The following AP3B1 variants were observed in gnomAD, a reference collection of about 807,000 sequenced individuals.
AP3B1 encodes AP-3 complex subunit beta-1.
AP3B1 carries 61 observed loss-of-function variants against 132.5 expected under a neutral mutation model. The observed-to-expected ratio is 0.46, with a 90% CI of 0.37 to 0.57. The LOEUF is 0.57. Ranked by LOEUF, AP3B1 falls within the 20% of genes least tolerant of loss-of-function variation. The pLI is 0.00. For synonymous variants in AP3B1, 388 were observed against 438.3 expected (o/e 0.89, Z 1.43); for missense variants, 1,120 against 1,289.4 (o/e 0.87, Z 2.01).
chr5:78,097,501 A>G (rs1580343234), intron 21 of AP3B1, among the ~76,000 whole-genome samples: 1 of 88,898 alleles, frequency 1.1e-5, no homozygotes, highest in Non-Finnish European at 2.2e-5. Flanking sequence ...CCCGTCCGGG[A>G]GGGAGGTGGG....
intron 22 of AP3B1, among the ~76,000 whole-genome samples, chr5:78,065,700 G>A (rs1749260156): frequency 6.6e-6 from 1 of 152,184 alleles, no homozygotes; most frequent in Admixed American, 6.5e-5. Flanking sequence ...GGGCAGCCAT[G>A]GTCTTGGTGG....
chr5:78,175,439 T>C (rs1350603722), intron 11 of AP3B1, among the ~76,000 whole-genome samples, 187 bp downstream of exon 11: 1 of 152,226 alleles, frequency 6.6e-6, no homozygotes, highest in Non-Finnish European at 1.5e-5. Flanking sequence ...GGCTTAACTT[T>C]ACATTATCAG....
chr5:78,116,821 C>T (rs779971188), intron 17 of AP3B1, among the ~76,000 whole-genome samples: 13 of 152,102 alleles, frequency 8.5e-5, no homozygotes, highest in Non-Finnish European at 1.8e-4. Flanking sequence ...ACTGCCCCTC[C>T]ACCCTGCCCC....
intron 7 of AP3B1, among the ~76,000 whole-genome samples, chr5:78,205,477 A>T (rs1745467056): frequency 6.6e-6 from 1 of 151,960 alleles, no homozygotes; most frequent in South Asian, 2.1e-4. Flanking sequence ...ATATTTTTAT[A>T]TATATAGGCA....
At chr5:78,171,594 G>A (rs1743919867) in intron 11 of AP3B1, among the ~76,000 whole-genome samples, 1 of 152,150 alleles carries the variant, frequency 6.6e-6, no homozygotes, top group South Asian at 2.1e-4. Context: ...TTTTTATCCT[G>A]AGACACTTTG....
chr5:78,198,873 A>G (rs866893807), intron 7 of AP3B1, among the ~76,000 whole-genome samples: 10 of 152,246 alleles, frequency 6.6e-5, no homozygotes, highest in African/African-American at 2.4e-4. Flanking sequence ...CACGTTTAAT[A>G]AAACTTTTAA....
chr5:78,048,246 C>A (rs1218480438), intron 22 of AP3B1, among the ~76,000 whole-genome samples: 1 of 152,172 alleles, frequency 6.6e-6, no homozygotes, highest in Non-Finnish European at 1.5e-5. Flanking sequence ...TGAGTAAGTC[C>A]AATGACAATG....
chr5:78,125,225 A>T (rs1446729205), intron 17 of AP3B1, among the ~76,000 whole-genome samples: 2 of 152,152 alleles, frequency 1.3e-5, no homozygotes, highest in Admixed American at 6.5e-5. Flanking sequence ...TTAACTAAGG[A>T]TCTTCAAAAC....
chr5:78,197,634 G>T (rs891289140), intron 7 of AP3B1, among the ~76,000 whole-genome samples: 2 of 152,130 alleles, frequency 1.3e-5, no homozygotes, highest in Non-Finnish European at 1.5e-5. Flanking sequence ...AAGATACAGG[G>T]AGACTTATTT....
chr5:78,269,994 C>T (rs1030465573), intron 1 of AP3B1, among the ~76,000 whole-genome samples: 37 of 151,832 alleles, frequency 2.4e-4, no homozygotes, highest in Middle Eastern at 3.2e-3. Context: ...GCTCACGCAA[C>T]CTCCGCCTCC....
At chr5:78,274,032 GAAAA>G (rs57157997) in intron 1 of AP3B1, among the ~76,000 whole-genome samples, 2 of 91,556 alleles carry the variant, frequency 2.2e-5, no homozygotes, top group African/African-American at 4.5e-5. Flanking sequence ...AGAAAAAAAG[GAAAA>G]AAAAAAAAAA....
intron 2 of AP3B1, among the ~76,000 whole-genome samples, chr5:78,247,157 G>A (rs1012596275): frequency 6.6e-6 from 1 of 151,306 alleles, no homozygotes; most frequent in African/African-American, 2.4e-5. Context: ...ACTGTGTTTA[G>A]TTTAATTCTA....
At chr5:78,124,018 A>G (rs1220164677) in intron 17 of AP3B1, among the ~76,000 whole-genome samples, 2 of 152,264 alleles carry the variant, frequency 1.3e-5, no homozygotes, top group African/African-American at 2.4e-5. Context: ...CTATGCAGCC[A>G]TAAAAAATGA....
intron 7 of AP3B1, among the ~76,000 whole-genome samples, chr5:78,210,690 T>A (rs1745696562): frequency 6.6e-6 from 1 of 152,146 alleles, no homozygotes. Flanking sequence ...AAAGTTCAGT[T>A]GTAAAAAGCT....
intron 7 of AP3B1, among the ~76,000 whole-genome samples, chr5:78,209,670 T>G (rs1462323274): frequency 6.6e-6 from 1 of 152,100 alleles, no homozygotes; most frequent in Non-Finnish European, 1.5e-5. Context: ...CATCCCTAAC[T>G]CTGGCAAAAT....
intron 22 of AP3B1, among the ~76,000 whole-genome samples, chr5:78,079,717 G>T (rs1417204415): frequency 1.3e-5 from 2 of 152,052 alleles, no homozygotes; most frequent in African/African-American, 4.8e-5. Context: ...AAATAATTCA[G>T]GCAAAGAAGT....
chr5:78,174,381 C>A (rs1321395353), intron 11 of AP3B1, among the ~76,000 whole-genome samples: 1 of 152,114 alleles, frequency 6.6e-6, no homozygotes, highest in Non-Finnish European at 1.5e-5. Flanking sequence ...GTGTGGATAT[C>A]CTTTTAGTTG....
intron 1 of AP3B1, among the ~76,000 whole-genome samples, chr5:78,282,072 ATCT>A (rs1374388777): frequency 1.3e-5 from 2 of 152,156 alleles, no homozygotes; most frequent in Non-Finnish European, 2.9e-5. Context: ...CGGAGAAGTG[ATCT>A]TCTTTTACTC....
rs546910555 is a variant in AP3B1 at position 78,085,992 on chromosome 5, T to C, written c.2577+3401A>G. The stretch of plus-strand genomic sequence containing the variant: ...GGTTTCAATTTTGCATATTACGGAG[T>C]GTTTTCCTACCTACATCGAAAAAAT... On this transcript the variant is annotated intron_variant, in intron 22 of 26. Transcript: ENST00000255194. Among the ~76,000 whole-genome samples, 18 of 152,168 alleles carry C rather than the reference T, an allele frequency of 1.2e-4. No individual in the cohort carries two copies. The South Asian group carries it at 3.7e-3, about 32-fold the overall frequency.
Sources: allele counts gnomAD v4.1 joint callset (sites outside exome capture counted in the v4.1 genomes callset), GRCh38; gene constraint gnomAD v4.1.1; transcripts MANE v1.5; gene names NCBI Gene and HGNC (gene_info 2026-07-23, HGNC 2026-07-21).